The following NBEA variants were observed in gnomAD, a reference collection of about 807,000 sequenced individuals.
NBEA encodes the protein neurobeachin, also known as lysosomal-trafficking regulator 2.
Under a neutral mutation model 343.4 loss-of-function variants are expected in NBEA, and 44 were observed. That is an observed-to-expected ratio of 0.13 (90% CI 0.10 to 0.16). NBEA has a LOEUF of 0.16. Ranked by LOEUF, NBEA falls within the 10% of genes least tolerant of loss-of-function variation. The pLI, the probability that NBEA is intolerant of heterozygous loss-of-function variation, is 1.00. For synonymous variants in NBEA, 1,175 were observed against 1,238.7 expected (o/e 0.95, Z 1.08); for missense variants, 2,555 against 3,631.3 (o/e 0.70, Z 7.62).
chr13:35,459,188 G>C (rs2046774551), intron 40 of NBEA, among the ~76,000 whole-genome samples: 1 of 151,958 alleles, frequency 6.6e-6, no homozygotes, highest in African/African-American at 2.4e-5. Flanking sequence ...CTTCCCAGTT[G>C]TACCTTCCCT....
At chr13:35,651,683 T>C in intron 52 of NBEA, 122 bp from the exon 53 acceptor site, 1 of 689,344 alleles carries the variant, frequency 1.5e-6, no homozygotes, top group Non-Finnish European at 2.6e-6. Flanking sequence ...ATCAGAACAA[T>C]TTATCAAATC....
intron 1 of NBEA, among the ~76,000 whole-genome samples, chr13:34,962,699 A>G (rs1202596325): frequency 6.6e-6 from 1 of 152,010 alleles, no homozygotes; most frequent in African/African-American, 2.4e-5. Context: ...TGAGCTCTAT[A>G]AAAATATATA....
chr13:35,382,095 C>T (rs564855989), intron 38 of NBEA, among the ~76,000 whole-genome samples: 1 of 152,070 alleles, frequency 6.6e-6, no homozygotes, highest in African/African-American at 2.4e-5. Context: ...CATATAGTAC[C>T]TCTGAGTGAT....
intron 41 of NBEA, among the ~76,000 whole-genome samples, chr13:35,492,701 G>A (rs2076543220): frequency 6.6e-6 from 1 of 151,756 alleles, no homozygotes. Context: ...AATGTAGCAG[G>A]AAGAAACTGT....
intron 36 of NBEA, among the ~76,000 whole-genome samples, chr13:35,311,308 G>A (rs1566601643): frequency 6.6e-6 from 1 of 151,220 alleles, no homozygotes; most frequent in Admixed American, 6.6e-5. Flanking sequence ...TGTTTCAACT[G>A]CGAAGTAAAA....
At chr13:35,651,978 A>G in intron 53 of NBEA, 102 bp downstream of exon 53, 2 of 708,538 alleles carry the variant, frequency 2.8e-6, no homozygotes, top group East Asian at 5.5e-5. Context: ...CTACCACAAG[A>G]TTAAAATGCT....
intron 30 of NBEA, among the ~76,000 whole-genome samples, chr13:35,184,995 C>G (rs536634274): frequency 2.0e-5 from 3 of 152,148 alleles, no homozygotes; most frequent in African/African-American, 7.2e-5. Flanking sequence ...GGTGATTATC[C>G]AGGTGGGCTT....
intron 34 of NBEA, among the ~76,000 whole-genome samples, chr13:35,233,193 T>C (rs972536841): frequency 1.3e-5 from 2 of 152,258 alleles, no homozygotes; most frequent in East Asian, 3.9e-4. Context: ...TTTAAAAAGT[T>C]TTGTTTTATG....
chr13:35,635,582 G>A (rs2083658662), intron 49 of NBEA, among the ~76,000 whole-genome samples: 2 of 152,136 alleles, frequency 1.3e-5, no homozygotes, highest in Admixed American at 1.3e-4. Flanking sequence ...GTTCTTTAAA[G>A]CTAAAGGATC....
chr13:35,406,947 TTC>T (rs1555254861), intron 38 of NBEA, among the ~76,000 whole-genome samples: 3 of 151,764 alleles, frequency 2.0e-5, no homozygotes, highest in African/African-American at 7.2e-5. Context: ...GGGTTTTTTT[TTC>T]TTTTTTCTTT....
chr13:35,367,666 G>A (rs972931895), intron 38 of NBEA, among the ~76,000 whole-genome samples: 1 of 151,030 alleles, frequency 6.6e-6, no homozygotes, highest in African/African-American at 2.4e-5. Flanking sequence ...CTAGGGAATA[G>A]AGTATTACAC....
At chr13:35,503,331 A>C (rs1308178756) in intron 41 of NBEA, among the ~76,000 whole-genome samples, 3 of 151,932 alleles carry the variant, frequency 2.0e-5, no homozygotes, top group Admixed American at 2.0e-4. Flanking sequence ...TTTTCAATGT[A>C]TCTGTCTACA....
intron 48 of NBEA, among the ~76,000 whole-genome samples, chr13:35,619,063 T>A (rs891360079): frequency 6.6e-6 from 1 of 151,644 alleles, no homozygotes; most frequent in African/African-American, 2.4e-5. Flanking sequence ...CTGGGTTTTT[T>A]TTTTAAGTAG....
intron 33 of NBEA, among the ~76,000 whole-genome samples, chr13:35,222,309 T>C (rs1459999109): frequency 6.6e-6 from 1 of 152,098 alleles, no homozygotes; most frequent in African/African-American, 2.4e-5. Flanking sequence ...AGGGTTTTGA[T>C]GGTAATTTTT....
chr13:35,014,022 T>C (rs1256228849), intron 1 of NBEA, among the ~76,000 whole-genome samples: 1 of 152,208 alleles, frequency 6.6e-6, no homozygotes, highest in African/African-American at 2.4e-5. Context: ...ATTGTTATTA[T>C]TTGCTGCTTT....
In NBEA at chr13:35,196,037, A is replaced by G. The variant is rs1310512914; in HGVS notation, c.5101A>G (p.Ser1701Gly). ...LETSTGPDAMSELLSTLSSEV... is the reference protein window; with the variant it reads ...LETSTGPDAMGELLSTLSSEV... The stretch of plus-strand genomic sequence containing the variant: ...AACAAGTACAGGCCCTGATGCCATG[A>G]GTGAACTCTTATCCACTTTGTCATC... The change falls in exon 31 of 59, where the codon AGT becomes GGT. Residue 1701 changes from serine to glycine, a missense_variant. Ser to Gly is a moderately conservative substitution (Grantham distance 56). This residue lies in a region of NBEA where 270 missense variants were observed against 293.3 expected (regional missense o/e 0.92). Coordinates refer to ENST00000379939, the MANE Select transcript of NBEA (RefSeq NM_001385012.1). The G allele has an allele frequency of 6.2e-7, 1 of 1,613,582 alleles. No homozygotes were observed. The highest frequency in any genetic ancestry group is 1.3e-5 in the African/African-American group (1 of 74,938).
intron 34 of NBEA, among the ~76,000 whole-genome samples, chr13:35,249,483 TCATTAAGCACAAGAAGAAACCTTATACC>T (rs1195225756): frequency 3.3e-5 from 5 of 152,000 alleles, no homozygotes; most frequent in African/African-American, 4.8e-5. Flanking sequence ...AACCTTACAC[TCATTAAGCACAAGAAGAAACCTTATACC>T]CATTAAGCAC....
At chr13:35,364,037 G>A (rs1454796992) in intron 38 of NBEA, among the ~76,000 whole-genome samples, 3 of 151,920 alleles carry the variant, frequency 2.0e-5, no homozygotes, top group African/African-American at 7.2e-5. Flanking sequence ...ATGTTCTAGT[G>A]GAAATGTCTA....
At chr13:35,115,640 CCGTT>C (rs1227345902) in intron 13 of NBEA, among the ~76,000 whole-genome samples, 1 of 151,910 alleles carries the variant, frequency 6.6e-6, no homozygotes, top group Non-Finnish European at 1.5e-5. Flanking sequence ...TTAGATAAAT[CCGTT>C]TGTATTTTAT....
Sources: gnomAD v4.1 joint callset for allele counts (sites outside exome capture counted in the v4.1 genomes callset) on GRCh38, gnomAD v4.1.1 for gene constraint, gnomAD v4.1.1 regional missense constraint, MANE v1.5 for transcripts, NCBI Gene and HGNC (gene_info 2026-07-23, HGNC 2026-07-21) for gene names.